The following GPC6 variants were observed in gnomAD, a reference collection of about 807,000 sequenced individuals.
GPC6 encodes glypican 6, also known as glypican-6.
Under a neutral mutation model 55.2 loss-of-function variants are expected in GPC6, and 14 were observed. That is an observed-to-expected ratio of 0.25 (90% CI 0.17 to 0.40). The LOEUF (loss-of-function observed/expected upper bound fraction) is 0.40, where lower values mean the gene tolerates loss of function less well. GPC6 is among the 10% of genes least tolerant of loss of function. GPC6 has a pLI of 1.00. For missense variants in GPC6, 641 were observed against 708.5 expected (o/e 0.90, Z 1.08); for synonymous variants, 278 against 259.6 (o/e 1.07, Z -0.68).
At chr13:93,810,225 G>A (rs899473595) in intron 2 of GPC6, among the ~76,000 whole-genome samples, 1 of 152,162 alleles carries the variant, frequency 6.6e-6, no homozygotes, top group African/African-American at 2.4e-5. Flanking sequence ...AGCTTCAGAC[G>A]ATTTGGAAAG....
At chr13:93,393,023 T>A (rs1468972090) in intron 1 of GPC6, among the ~76,000 whole-genome samples, 1 of 151,644 alleles carries the variant, frequency 6.6e-6, no homozygotes, top group Non-Finnish European at 1.5e-5. Context: ...TGCTGCCTAA[T>A]CATTTATTGT....
At chr13:93,853,199 G>T (rs1480135999) in intron 3 of GPC6, among the ~76,000 whole-genome samples, 1 of 151,654 alleles carries the variant, frequency 6.6e-6, no homozygotes, top group Non-Finnish European at 1.5e-5. Context: ...CAGGCTCCAG[G>T]AGTATAATTC....
At chr13:93,490,383 A>G (rs1036725267) in intron 1 of GPC6, among the ~76,000 whole-genome samples, 1 of 150,390 alleles carries the variant, frequency 6.6e-6, no homozygotes, top group Non-Finnish European at 1.5e-5. Flanking sequence ...AATAAAATCT[A>G]TAACATATAT....
At chr13:93,404,248 T>C (rs1278160635) in intron 1 of GPC6, among the ~76,000 whole-genome samples, 1 of 152,082 alleles carries the variant, frequency 6.6e-6, no homozygotes, top group African/African-American at 2.4e-5. Context: ...TTGATATATT[T>C]TGGGGAACAA....
At chr13:94,100,781 T>C (rs1885827316) in intron 4 of GPC6, among the ~76,000 whole-genome samples, 1 of 152,236 alleles carries the variant, frequency 6.6e-6, no homozygotes, top group Non-Finnish European at 1.5e-5. Context: ...TTGACTCTTA[T>C]TGGCCTTTTT....
chr13:93,553,589 G>T (rs1352186881), intron 2 of GPC6, among the ~76,000 whole-genome samples: 2 of 151,764 alleles, frequency 1.3e-5, no homozygotes, highest in Non-Finnish European at 2.9e-5. Flanking sequence ...CAGCTACTCG[G>T]GAGGCTGAGG....
chr13:93,544,955 C>A (rs1048037826), intron 1 of GPC6, among the ~76,000 whole-genome samples: 1 of 152,126 alleles, frequency 6.6e-6, no homozygotes, highest in African/African-American at 2.4e-5. Flanking sequence ...GTTGTTGTAT[C>A]ACCTGATGTT....
rs568906940 is a variant in GPC6, at chr13:94,087,062, G to A, written c.877+59168G>A. Among the ~76,000 whole-genome samples, 6 of 152,286 alleles carry A rather than the reference G, an allele frequency of 3.9e-5. No homozygotes were observed. In the East Asian group the frequency reaches 1.2e-3, roughly 29 times the overall value. ...TAACTAGACAAAGAGGTAAGATTTG[G>A]TTAAGGAAAAGTTCTCTCAGTGGTG... On this transcript the variant is annotated intron_variant, in intron 4 of 8. Coordinates refer to ENST00000377047, the MANE Select transcript of GPC6 (RefSeq NM_005708.5).
At chr13:94,319,937 C>T (rs1163941877) in intron 6 of GPC6, among the ~76,000 whole-genome samples, 6 of 152,118 alleles carry the variant, frequency 3.9e-5, no homozygotes, top group African/African-American at 1.2e-4. Flanking sequence ...AAATTCTAAG[C>T]CATTATGTCT....
intron 3 of GPC6, among the ~76,000 whole-genome samples, chr13:93,841,708 A>G (rs1887961797): frequency 6.6e-6 from 1 of 152,164 alleles, no homozygotes; most frequent in Admixed American, 6.5e-5. Context: ...GCATACACAG[A>G]ATTTTTTAAT....
intron 3 of GPC6, among the ~76,000 whole-genome samples, chr13:93,843,238 G>A (rs1429161072): frequency 2.0e-5 from 3 of 152,048 alleles, no homozygotes; most frequent in Non-Finnish European, 4.4e-5. Context: ...TCGTTTGTTT[G>A]CATGTGTGGG....
chr13:93,338,639 T>C (rs1189775731), intron 1 of GPC6, among the ~76,000 whole-genome samples: 1 of 152,192 alleles, frequency 6.6e-6, no homozygotes, highest in Admixed American at 6.5e-5. Flanking sequence ...TTTAACATTT[T>C]ATACTCTCAA....
intron 4 of GPC6, among the ~76,000 whole-genome samples, chr13:94,215,989 A>AGAATAAACTTTT (rs6145185): frequency 0.69 from 104,780 of 151,688 alleles, 36,229 homozygotes; most frequent in East Asian, 0.83. Flanking sequence ...TATGTTTTTT[A>AGAATAAACTTTT]GACGTTAGTT....
intron 2 of GPC6, among the ~76,000 whole-genome samples, chr13:93,666,090 A>G (rs1246859682): frequency 6.6e-6 from 1 of 152,156 alleles, no homozygotes; most frequent in African/African-American, 2.4e-5. Context: ...TGAAGCTATT[A>G]TTGTTTGCTT....
At chr13:93,294,907 C>G (rs934917229) in intron 1 of GPC6, among the ~76,000 whole-genome samples, 2 of 151,908 alleles carry the variant, frequency 1.3e-5, no homozygotes, top group Admixed American at 6.6e-5. Context: ...TTCTCTTTCT[C>G]TCCCACATTC....
intron 8 of GPC6, among the ~76,000 whole-genome samples, chr13:94,402,373 C>G (rs941952068): frequency 2.6e-5 from 4 of 152,172 alleles, no homozygotes; most frequent in African/African-American, 9.7e-5. Context: ...GTAGGTGTGG[C>G]CTCCCCTTGA....
At chr13:93,379,517 G>A (rs1875066544) in intron 1 of GPC6, among the ~76,000 whole-genome samples, 1 of 152,152 alleles carries the variant, frequency 6.6e-6, no homozygotes, top group South Asian at 2.1e-4. Flanking sequence ...AGAAGGAAGA[G>A]TAAGTGAAGG....
intron 4 of GPC6, among the ~76,000 whole-genome samples, chr13:94,064,614 A>G (rs1884452177): frequency 6.6e-6 from 1 of 152,180 alleles, no homozygotes; most frequent in Non-Finnish European, 1.5e-5. Flanking sequence ...GCCATAAAGC[A>G]AAGTCCCCAA....
intron 2 of GPC6, among the ~76,000 whole-genome samples, chr13:93,681,196 TA>T (rs1881833429): frequency 6.6e-6 from 1 of 152,204 alleles, no homozygotes; most frequent in East Asian, 1.9e-4. Flanking sequence ...TAGCTTTGTT[TA>T]TTACCCTTTT....
Sources: gnomAD v4.1 joint callset for allele counts (sites outside exome capture counted in the v4.1 genomes callset) on GRCh38, gnomAD v4.1.1 for gene constraint, MANE v1.5 for transcripts, NCBI Gene and HGNC (gene_info 2026-07-23, HGNC 2026-07-21) for gene names.